Variants in CHD1L observed in about 807,000 individuals in gnomAD.
The protein encoded by CHD1L is ATP-dependent chromatin remodeler CHD1L.
A neutral mutation model predicts 115.9 loss-of-function variants in CHD1L; 118 were observed. That is an observed-to-expected ratio of 1.02 (90% CI 0.88 to 1.19). The LOEUF (loss-of-function observed/expected upper bound fraction) is 1.19, where lower values mean the gene tolerates loss of function less well. Ranked by LOEUF, CHD1L falls within the 50% of genes most tolerant of loss-of-function variation. The probability of loss-of-function intolerance (pLI) is 0.00; values close to 1 mark genes in which losing one functional copy is unlikely to be tolerated. For missense variants in CHD1L, 1,179 were observed against 1,065.3 expected, an observed-to-expected ratio of 1.11 and a Z score of -1.49; for synonymous variants, 411 against 387.1, an observed-to-expected ratio of 1.06 and a Z score of -0.72.
the CHD1L span, among the ~76,000 whole-genome samples, chr1:147,232,646 G>T: frequency 6.6e-6 from 1 of 152,016 alleles, no homozygotes; most frequent in Non-Finnish European, 1.5e-5. Context: ...TTGCAGGCAC[G>T]CGCCGCCACG....
the CHD1L span, chr1:147,187,288 ATCAG>A: frequency 8.5e-5 from 123 of 1,440,930 alleles, no homozygotes; most frequent in Non-Finnish European, 9.3e-5. Flanking sequence ...CAATAATTCA[ATCAG>A]TCAGTCAATC....
Position 147,267,498 on chromosome 1 carries a change from A to G in CHD1L, c.968A>G (p.Asp323Gly), listed in dbSNP as rs782634856. 1 of 1,612,060 alleles carries G rather than the reference A, an allele frequency of 6.2e-7. No individual in the cohort carries two copies. Among genetic ancestry groups the G allele is most frequent in the African/African-American group, 1.3e-5 (1 of 74,800 alleles). The change falls in exon 9 of 23, where the codon GAT (aspartate) becomes GGT (glycine). Residue 323 changes from aspartate to glycine, a missense_variant. Coordinates refer to ENST00000369258, the MANE Select transcript of CHD1L (RefSeq NM_004284.6). ...TTGTCCCAGCTTCGAAAGTGTGTGGATCACCCATATTTGTTTGATGGTGAG... is the reference window on the plus strand; with the variant it reads ...TTGTCCCAGCTTCGAAAGTGTGTGGGTCACCCATATTTGTTTGATGGTGAG... Reference protein sequence around the residue: ...NILSQLRKCVDHPYLFDGVEP... With the variant: ...NILSQLRKCVGHPYLFDGVEP...
intron 15 of CHD1L, among the ~76,000 whole-genome samples, chr1:147,281,968 C>T (rs1450132156): frequency 6.6e-6 from 1 of 152,174 alleles, no homozygotes; most frequent in Non-Finnish European, 1.5e-5. Context: ...CGTCCACTCT[C>T]CTAGTATTTC....
At chr1:147,232,723 G>A in the CHD1L span, among the ~76,000 whole-genome samples, 1 of 152,196 alleles carries the variant, frequency 6.6e-6, no homozygotes, top group Non-Finnish European at 1.5e-5. Flanking sequence ...CTGGTCTCCA[G>A]CTCCTAACCG....
chr1:147,284,373 A>G lies in CHD1L; in HGVS notation c.1728A>G (p.Glu576=). 6.3e-7 allele frequency: 1 copy of G among 1,582,640 alleles called. No individual in the cohort carries two copies. The highest frequency in any genetic ancestry group is 2.2e-5 in the East Asian group (1 of 44,602). The change falls in exon 16 of 23, where the codon GAA becomes GAG. Residue 576 remains glutamate (E), a synonymous_variant. Transcript: ENST00000369258. ...EEGKNHMYLF[E]GKDYSKEPSK... ...TAGAAAATCATATGTACTTATTTGA[A>G]GGTAAAGATTATTCTAAAGAGCCCA... is the stretch of plus-strand genomic sequence containing the variant.
chr1:147,238,116 C>T (rs1310885355), upstream of CHD1L, among the ~76,000 whole-genome samples: 1 of 152,166 alleles, frequency 6.6e-6, no homozygotes, highest in Non-Finnish European at 1.5e-5. Context: ...AAGAGGTATA[C>T]TGGCATCAAA....
At chr1:147,279,803 A>C (rs1426139560) in intron 14 of CHD1L, among the ~76,000 whole-genome samples, 3 of 152,168 alleles carry the variant, frequency 2.0e-5, no homozygotes, top group Non-Finnish European at 4.4e-5. Flanking sequence ...CAGAATTGTC[A>C]AAGTCAATAC....
the CHD1L span, chr1:147,186,935 G>C: frequency 3.1e-6 from 5 of 1,613,974 alleles, no homozygotes; most frequent in African/African-American, 6.7e-5. Context: ...AAGAAGGCAA[G>C]AGCTAGCATA....
chr1:147,242,958 G>T, intron 1 of CHD1L, 128 bp downstream of exon 1: 1 of 1,118,192 alleles, frequency 8.9e-7, no homozygotes, highest in Non-Finnish European at 1.1e-6. Context: ...GCCTTCCTTC[G>T]CTCCTGCCGT....
chr1:147,178,674 G>A, the CHD1L span: 94 of 1,574,020 alleles, frequency 6.0e-5, no homozygotes, highest in Admixed American at 1.3e-4. Flanking sequence ...TTGCACATAC[G>A]AATGTTGAGT....
At chr1:147,295,382 A>G in intron 22 of CHD1L, 49 bp from the exon 23 acceptor site, 1 of 1,274,780 alleles carries the variant, frequency 7.8e-7, no homozygotes, top group Non-Finnish European at 1.1e-6. Context: ...CGTTTTGGTA[A>G]AGTTGGTTTA....
At chr1:147,178,562 G>T in the CHD1L span, 1 of 1,610,040 alleles carries the variant, frequency 6.2e-7, no homozygotes, top group Non-Finnish European at 8.5e-7. Context: ...AAATTCATTA[G>T]TGATAAAGAT....
chr1:147,213,286 T>C, the CHD1L span: 13 of 1,588,506 alleles, frequency 8.2e-6, no homozygotes, highest in Non-Finnish European at 1.1e-5. Flanking sequence ...TCAAGGGTCT[T>C]CCTTCCTGGT....
chr1:147,269,815 C>T (rs1483850704), intron 10 of CHD1L, among the ~76,000 whole-genome samples: 2 of 152,096 alleles, frequency 1.3e-5, no homozygotes, highest in Non-Finnish European at 2.9e-5. Context: ...AAAATTATCC[C>T]TTTGGAATGA....
At chr1:147,192,164 C>G in the CHD1L span, among the ~76,000 whole-genome samples, 19 of 151,976 alleles carry the variant, frequency 1.3e-4, no homozygotes, top group Non-Finnish European at 2.5e-4. Context: ...TCTTCCATTT[C>G]TTTGTATCCT....
chr1:147,287,015 T>C (rs1008568984), intron 18 of CHD1L, among the ~76,000 whole-genome samples: 2 of 152,188 alleles, frequency 1.3e-5, no homozygotes, highest in Non-Finnish European at 2.9e-5. Context: ...TATTTTCCTT[T>C]ATCACACCTG....
chr1:147,284,279 A>G (rs1339429469), intron 15 of CHD1L, 72 bp from the exon 16 acceptor site: 2 of 1,247,112 alleles, frequency 1.6e-6, no homozygotes, highest in East Asian at 5.1e-5. Context: ...CACTTTTGTT[A>G]TTGATTTGAA....
the CHD1L span, chr1:147,224,124 G>T: frequency 3.0e-6 from 1 of 335,404 alleles, no homozygotes; most frequent in South Asian, 2.4e-5. Flanking sequence ...GTAAGATTGG[G>T]ATGTCTAGTC....
chr1:147,256,690 T>A, intron 5 of CHD1L, 128 bp downstream of exon 5: 2 of 833,700 alleles, frequency 2.4e-6, no homozygotes, highest in Non-Finnish European at 3.9e-6. Context: ...TGTTTATGGG[T>A]AGGCGGCATG....
Sources: gnomAD v4.1 joint callset for allele counts (sites outside exome capture counted in the v4.1 genomes callset) on GRCh38, gnomAD v4.1.1 for gene constraint, MANE v1.5 for transcripts, NCBI Gene and HGNC (gene_info 2026-07-23, HGNC 2026-07-21) for gene names.